The following RUNX3 variants were observed in gnomAD, a reference collection of about 807,000 sequenced individuals.
RUNX3 encodes the protein RUNX family transcription factor 3, also known as runt-related transcription factor 3.
In RUNX3, 10 loss-of-function variants were observed where a neutral mutation model predicts 27.7. That is an observed-to-expected ratio of 0.36 (90% CI 0.22 to 0.61). The LOEUF is 0.61. Among genes scored for constraint, RUNX3 ranks in the 20% least tolerant of loss-of-function variants. RUNX3 has a pLI of 0.72. For synonymous variants in RUNX3, 270 were observed against 269.2 expected (o/e 1.00, Z -0.03); for missense variants, 469 against 629.5 (o/e 0.75, Z 2.73).
intron 3 of RUNX3, among the ~76,000 whole-genome samples, chr1:24,915,125 G>C (rs939139847): frequency 6.6e-6 from 1 of 152,240 alleles, no homozygotes; most frequent in Non-Finnish European, 1.5e-5. Flanking sequence ...TGCCCTTGTA[G>C]AGCATAAACA....
Position 24,959,701 on chromosome 1 carries a change from C to T in RUNX3, c.58+4813G>A, listed in dbSNP as rs376120381. Among the ~76,000 whole-genome samples the T allele has an allele frequency of 9.4e-4, 143 of 152,312 alleles. No individual in the cohort carries two copies. In the Middle Eastern group the frequency reaches 0.01, roughly 11 times the overall value. On this transcript the variant is annotated intron_variant, in intron 2 of 6. Coordinates refer to the RUNX3 transcript ENST00000338888. ...TGGTCTGGGCAGCCTCCTCCCTGTC[C>T]GGTGACCTCTGAGTCAGACCATCTC...
At chr1:24,914,548 C>A (rs532983044) in intron 3 of RUNX3, among the ~76,000 whole-genome samples, 1 of 152,130 alleles carries the variant, frequency 6.6e-6, no homozygotes, top group East Asian at 1.9e-4. Flanking sequence ...CGGGGGCCAG[C>A]GGGCAGGGAG....
rs1241494429 is a variant in RUNX3, at chr1:24,962,250, A to T, written c.58+2264T>A. ...TTCAACAAATGGAAAACGTGAGTCA[A>T]TATGTCACCAGCTTGCTTTCTGAGT... is the stretch of plus-strand genomic sequence containing the variant. On this transcript the variant is annotated intron_variant, in intron 2 of 6. Coordinates refer to the RUNX3 transcript ENST00000338888. The surrounding 1 kb of genome is among the most constrained non-coding windows in gnomAD (Gnocchi z 4.5). The T allele has an allele frequency of 6.6e-6, 1 of 152,250 alleles. No individual in the cohort carries two copies. The highest frequency in any genetic ancestry group is 1.5e-5 in the Non-Finnish European group (1 of 68,044). 9.4% of individuals were successfully genotyped at this position (152,250 alleles called of 1,614,324 possible).
At position 24,900,943 on chromosome 1, in the gene RUNX3, A is replaced by T. The variant is rs1017390476; in HGVS notation, c.*1179T>A. ...AGAGCTATCATAATCACGGAACTAT[A>T]CCTGTAAGAGACCTTGTGTTTGAAA... On this transcript the variant is annotated 3_prime_UTR_variant, in exon 5 of 5. Coordinates refer to ENST00000308873, the MANE Select transcript of RUNX3 (RefSeq NM_004350.3). The T allele has an allele frequency of 6.6e-6, 1 of 151,242 alleles. No individual in the cohort carries two copies. Among genetic ancestry groups the T allele is most frequent in the African/African-American group, 2.4e-5 (1 of 40,990 alleles). 9.4% of individuals were successfully genotyped at this position (151,242 alleles called of 1,614,324 possible).
rs928947367 is a variant in RUNX3 at position 24,927,494 on chromosome 1, T to C, written c.439+80A>G. 4 of 1,430,876 alleles carry C rather than the reference T, an allele frequency of 2.8e-6. No homozygotes were observed. In the African/African-American group the frequency reaches 5.6e-5, roughly 20 times the overall value. 88.6% of individuals were successfully genotyped at this position (1,430,876 alleles called of 1,614,324 possible). On this transcript the variant is annotated intron_variant, in intron 2 of 4. Coordinates refer to ENST00000308873, the MANE Select transcript of RUNX3 (RefSeq NM_004350.3). The surrounding 1 kb of genome is among the most constrained non-coding windows in gnomAD (Gnocchi z 5.0). ...TCTGGAGACCTGTTTTTCGGGATTC[T>C]AAGGCCCCTCTTTCAACCTCCTTCC...
At chr1:24,935,582 A>G (rs534233843) in intron 2 of RUNX3, among the ~76,000 whole-genome samples, 1 of 152,196 alleles carries the variant, frequency 6.6e-6, no homozygotes, top group Non-Finnish European at 1.5e-5. Context: ...AACCGTCTCC[A>G]TCGGTTACCA....
chr1:24,919,760 C>T (rs189355888), intron 2 of RUNX3, among the ~76,000 whole-genome samples: 36 of 152,096 alleles, frequency 2.4e-4, no homozygotes, highest in South Asian at 1.2e-3. Context: ...ACACCCCCCC[C>T]CCACGGTTCC....
chr1:24,941,885 A>G (rs1641487249), intron 2 of RUNX3, among the ~76,000 whole-genome samples: 1 of 152,216 alleles, frequency 6.6e-6, no homozygotes, highest in East Asian at 1.9e-4. Context: ...AGTCCAGGTG[A>G]CAGGCTCAGA....
intron 2 of RUNX3, 103 bp from the exon 3 acceptor site, chr1:24,919,447 A>ACAGTT: frequency 2.8e-6 from 2 of 712,786 alleles, no homozygotes; most frequent in Non-Finnish European, 4.9e-6. Context: ...AACTGTCAAG[A>ACAGTT]AGGGGCACTC....
chr1:24,923,474 G>A lies in RUNX3; in HGVS notation c.439+4100C>T, dbSNP rs532328221. Among the ~76,000 whole-genome samples the A allele has an allele frequency of 1.0e-3, 158 of 152,320 alleles. 1 individual carries two copies. Among genetic ancestry groups the A allele is most frequent in the African/African-American group, 3.6e-3 (151 of 41,558 alleles). On this transcript the variant is annotated intron_variant, in intron 2 of 4. Coordinates refer to ENST00000308873, the MANE Select transcript of RUNX3 (RefSeq NM_004350.3). This position sits in a 1 kb window ranked among gnomAD's most constrained non-coding sequence, Gnocchi z 5.9. ...AACCTGCAATCCATCAGGAGCCCAG[G>A]AAGTGTAAACCCAGGCTCTCTGAGG...
At chr1:24,947,931 A>G (rs575747293) in intron 2 of RUNX3, among the ~76,000 whole-genome samples, 6 of 152,056 alleles carry the variant, frequency 3.9e-5, no homozygotes, top group South Asian at 4.2e-4. Context: ...CTCCGCTTCT[A>G]CCTTTCTTCC....
At chr1:24,940,293 G>A (rs967333883) in intron 2 of RUNX3, among the ~76,000 whole-genome samples, 1 of 152,160 alleles carries the variant, frequency 6.6e-6, no homozygotes, top group Admixed American at 6.5e-5. Context: ...TGTCTCAAAC[G>A]CTCAGCTCAT....
In RUNX3 at chr1:24,927,527, C is replaced by A. The variant is rs757721794; in HGVS notation, c.439+47G>T. Reference sequence around the variant, plus strand: ...CTCTTTCAACCTCCTTCCCTGCTGCCCCTGCCATTGCCAATGCTGAAATGG... The same window carrying A: ...CTCTTTCAACCTCCTTCCCTGCTGCACCTGCCATTGCCAATGCTGAAATGG... On this transcript the variant is annotated intron_variant, in intron 2 of 4. Transcript: ENST00000308873. This position sits in a 1 kb window ranked among gnomAD's most constrained non-coding sequence, Gnocchi z 5.0. 1 of 1,600,158 alleles carries A rather than the reference C, an allele frequency of 6.2e-7. No homozygotes were observed. Among genetic ancestry groups the A allele is most frequent in the African/African-American group, 1.3e-5 (1 of 74,672 alleles).
chr1:24,961,540 A>G (rs1319446664), intron 2 of RUNX3: 1 of 152,244 alleles, frequency 6.6e-6, no homozygotes, highest in Non-Finnish European at 1.5e-5. Context: ...ACTCAGACAC[A>G]GTCTCACAGC....
chr1:24,926,986 C>T (rs1376929252), intron 2 of RUNX3, among the ~76,000 whole-genome samples: 1 of 151,594 alleles, frequency 6.6e-6, no homozygotes, highest in African/African-American at 2.4e-5. Flanking sequence ...CAGGGTGGCA[C>T]ACCCGCCTTG....
chr1:24,911,704 C>T (rs535530476), intron 3 of RUNX3, among the ~76,000 whole-genome samples: 4 of 152,222 alleles, frequency 2.6e-5, no homozygotes, highest in African/African-American at 7.2e-5. Flanking sequence ...GATTCACACC[C>T]GGATCCCCCG....
chr1:24,930,700 C>G (rs919606083), upstream of RUNX3, among the ~76,000 whole-genome samples: 1 of 152,172 alleles, frequency 6.6e-6, no homozygotes, highest in Non-Finnish European at 1.5e-5. This position sits in a 1 kb window ranked among gnomAD's most constrained non-coding sequence, Gnocchi z 4.1. Flanking sequence ...GGCTGGGGGC[C>G]GCGGGGTCTC....
intron 2 of RUNX3, among the ~76,000 whole-genome samples, chr1:24,920,070 T>C (rs1262220752): frequency 6.6e-6 from 1 of 152,172 alleles, no homozygotes; most frequent in Non-Finnish European, 1.5e-5. Flanking sequence ...CAGCTGGAGC[T>C]GAAAAAGGAC....
upstream of RUNX3, among the ~76,000 whole-genome samples, chr1:24,933,747 A>C (rs1197695778): frequency 1.3e-5 from 2 of 152,098 alleles, no homozygotes; most frequent in Non-Finnish European, 2.9e-5. Flanking sequence ...CTGTGGGCAG[A>C]CCCTTTCCTG....
Sources: gnomAD v4.1 joint callset for allele counts (sites outside exome capture counted in the v4.1 genomes callset) on GRCh38, gnomAD v4.1.1 for gene constraint, Gnocchi (gnomAD v3.1) non-coding constraint, MANE v1.5 for transcripts, NCBI Gene and HGNC (gene_info 2026-07-23, HGNC 2026-07-21) for gene names.